Variants in KNL1 observed in about 807,000 individuals in gnomAD.
The protein encoded by KNL1 is outer kinetochore KNL1 complex subunit KNL1.
A neutral mutation model predicts 201.3 loss-of-function variants in KNL1; 66 were observed. The observed-to-expected ratio is 0.33, with a 90% CI of 0.27 to 0.40. KNL1 has a LOEUF of 0.40. Ranked by LOEUF, KNL1 falls within the 10% of genes least tolerant of loss-of-function variation. The pLI, the probability that KNL1 is intolerant of heterozygous loss-of-function variation, is 1.00. For missense variants in KNL1, 2,815 were observed against 2,690.5 expected (o/e 1.05, Z -1.02); for synonymous variants, 895 against 899.2 (o/e 1.00, Z 0.08).
chr15:40,601,715 G>T (rs1891796670), intron 1 of KNL1, among the ~76,000 whole-genome samples: 1 of 150,994 alleles, frequency 6.6e-6, no homozygotes, highest in Non-Finnish European at 1.5e-5. Flanking sequence ...CAGCTACTCG[G>T]GAGGCTGAGG....
rs202140477 is a variant in KNL1, at chr15:40,602,941, G to A, written c.10G>A (p.Val4Met). 24 of 1,592,078 alleles carry A rather than the reference G, an allele frequency of 1.5e-5. No individual in the cohort carries two copies. In the South Asian group the frequency reaches 2.2e-4, roughly 15 times the overall value. The change falls in exon 2 of 26, where the codon GTG (valine) becomes ATG (methionine). Residue 4 changes from valine (V) to methionine (M), a missense_variant. Val to Met is a conservative substitution (Grantham distance 21). Transcript: ENST00000399668. MDG[V>M]SSEANEENDN... ...AAAGTTTTCTTCAAAAATGGATGGG[G>A]TGTCTTCAGAGGCTAATGAAGAAAA... is the stretch of plus-strand genomic sequence containing the variant.
At chr15:40,652,539 G>T (rs1893599622) in intron 21 of KNL1, among the ~76,000 whole-genome samples, 1 of 150,618 alleles carries the variant, frequency 6.6e-6, no homozygotes, top group Non-Finnish European at 1.5e-5. Context: ...GGAGGCTGAG[G>T]TGGGCGGATC....
At chr15:40,656,391 C>G (rs1489604821) in intron 22 of KNL1, among the ~76,000 whole-genome samples, 1 of 151,902 alleles carries the variant, frequency 6.6e-6, no homozygotes, top group Non-Finnish European at 1.5e-5. Flanking sequence ...TGAGATCATG[C>G]CACTGCACTC....
At chr15:40,610,843 G>A (rs1470564333) in intron 6 of KNL1, 1 of 455,044 alleles carries the variant, frequency 2.2e-6, no homozygotes. Context: ...TCTGCCTCCT[G>A]GGTTTAAGCG....
rs776017179 is a variant in KNL1 at position 40,615,389 on chromosome 15, C to T, written c.322+11C>T. 2 of 682,466 alleles carry T rather than the reference C, an allele frequency of 2.9e-6. No individual in the cohort carries two copies. Among genetic ancestry groups the T allele is most frequent in the Non-Finnish European group, 2.4e-6 (1 of 415,668 alleles). 42.3% of individuals were successfully genotyped at this position (682,466 alleles called of 1,614,324 possible). On this transcript the variant is annotated intron_variant, in intron 8 of 25. Transcript: ENST00000399668. Reference sequence around the variant, plus strand: ...ACTGTGAAATTACTGGTGAGTATGACTAGAATACTTTTCTTATAGTAAGAT... The same window carrying T: ...ACTGTGAAATTACTGGTGAGTATGATTAGAATACTTTTCTTATAGTAAGAT...
Position 40,647,040 on chromosome 15 carries a change from G to A in KNL1, c.6060G>A (p.Lys2020=). ...IKIDEMDKIL[K]KIDNCLTEME... is the part of the protein sequence containing the mutation. ...TAGATGAGATGGATAAAATACTTAA[G>A]AAGATCGATAACTGCCTCACTGAGA... The change falls in exon 17 of 26, where the codon AAG becomes AAA. Residue 2020 remains lysine, a synonymous_variant. Coordinates refer to ENST00000399668, the MANE Select transcript of KNL1 (RefSeq NM_144508.5). The A allele has an allele frequency of 6.5e-7, 1 of 1,538,950 alleles. No individual in the cohort carries two copies. Among genetic ancestry groups the A allele is most frequent in the Non-Finnish European group, 9.0e-7 (1 of 1,112,410 alleles).
intron 13 of KNL1, among the ~76,000 whole-genome samples, chr15:40,637,097 A>G: frequency 6.6e-6 from 1 of 150,910 alleles, no homozygotes; most frequent in South Asian, 2.1e-4. Context: ...AGATTCAAAC[A>G]TTGCCGATTA....
chr15:40,647,887 T>C (rs1375419938), intron 17 of KNL1, among the ~76,000 whole-genome samples: 1 of 152,240 alleles, frequency 6.6e-6, no homozygotes, highest in African/African-American at 2.4e-5. Context: ...AGCTTCTCTG[T>C]TGGCCTCTCT....
rs1231039376 is a variant in KNL1, at chr15:40,621,690, A to T, written c.1426A>T (p.Thr476Ser). 8 of 1,611,540 alleles carry T rather than the reference A, an allele frequency of 5.0e-6. No homozygotes were observed. The highest frequency in any genetic ancestry group is 6.8e-6 in the Non-Finnish European group (8 of 1,178,112). ...PDAMSSLTEK[T>S]IYSGEENMDI... ...TGCTATGTCTTCTCTCACAGAGAAA[A>T]CTATTTATTCCGGAGAGGAGAACAT... The change falls in exon 10 of 26, where the codon ACT (threonine) becomes TCT (serine). Residue 476 changes from threonine to serine, a missense_variant. By Grantham distance (58) the Thr-to-Ser change is moderately conservative. This residue lies in a region of KNL1 where 2,464 missense variants were observed against 2,291.7 expected (regional missense o/e 1.08). Coordinates refer to ENST00000399668, the MANE Select transcript of KNL1 (RefSeq NM_144508.5).
chr15:40,609,087 A>C (rs563052705), intron 5 of KNL1, among the ~76,000 whole-genome samples, 179 bp downstream of exon 5: 1 of 152,222 alleles, frequency 6.6e-6, no homozygotes, highest in Admixed American at 6.5e-5. Context: ...GTCAGGAACA[A>C]AACAATGATA....
chr15:40,621,157 C>A lies in KNL1; in HGVS notation c.893C>A (p.Ser298Tyr), dbSNP rs371200996. 14 of 1,613,458 alleles carry A rather than the reference C, an allele frequency of 8.7e-6. No homozygotes were observed. The highest frequency in any genetic ancestry group is 6.7e-5 in the African/African-American group (5 of 74,900). ...AATATTCAGACATTGATTCCCACATCCAGTGAGACCAACTCACGGGAATCT... is the reference window on the plus strand; with the variant it reads ...AATATTCAGACATTGATTCCCACATACAGTGAGACCAACTCACGGGAATCT... ...TANIQTLIPT[S>Y]SETNSRESKG... is the part of the protein sequence containing the mutation. The change falls in exon 10 of 26, where the codon TCC (serine) becomes TAC (tyrosine). Residue 298 changes from serine to tyrosine, a missense_variant. Ser to Tyr is a moderately radical substitution (Grantham distance 144). Coordinates refer to ENST00000399668, the MANE Select transcript of KNL1 (RefSeq NM_144508.5).
At chr15:40,640,389 G>A (rs1344459263) in intron 13 of KNL1, among the ~76,000 whole-genome samples, 4 of 151,878 alleles carry the variant, frequency 2.6e-5, no homozygotes, top group East Asian at 1.9e-4. Flanking sequence ...CACTGTGCCC[G>A]GCCCTGACTT....
rs979440012 is a variant in KNL1, at chr15:40,609,905, TAGTC to T, written c.198-337_198-334del. Among the ~76,000 whole-genome samples, 278 of 152,242 alleles carry T rather than the reference TAGTC, an allele frequency of 1.8e-3. 2 individuals are homozygous for T. The highest frequency in any genetic ancestry group is 6.6e-3 in the African/African-American group (273 of 41,566). ...TGTCTCTACTAGAAATAAAAAATAT[TAGTC>T]AGGCTTGTTGGTGAGGCTACTCGGG... On this transcript the variant is annotated intron_variant, in intron 5 of 25. Coordinates refer to ENST00000399668, the MANE Select transcript of KNL1 (RefSeq NM_144508.5).
rs1430282874 is a variant in KNL1 at position 40,662,614 on chromosome 15, A to G, written c.*426A>G. 2.0e-5 allele frequency: 4 copies of G among 204,670 alleles called. No homozygotes were observed. The highest frequency in any genetic ancestry group is 3.0e-5 in the Non-Finnish European group (3 of 100,258). 12.7% of individuals were successfully genotyped at this position (204,670 alleles called of 1,614,324 possible). On this transcript the variant is annotated 3_prime_UTR_variant, in exon 26 of 26. Coordinates refer to ENST00000399668, the MANE Select transcript of KNL1 (RefSeq NM_144508.5). Reference sequence around the variant, plus strand: ...CCTAGCAGATATTTCTGGAGTAGAAATGTATCTGTCTACAAACTATTATCC... The same window carrying G: ...CCTAGCAGATATTTCTGGAGTAGAAGTGTATCTGTCTACAAACTATTATCC...
intron 1 of KNL1, among the ~76,000 whole-genome samples, chr15:40,599,717 A>G (rs577669168): frequency 6.6e-6 from 1 of 150,540 alleles, no homozygotes; most frequent in East Asian, 2.0e-4. Flanking sequence ...AGATGATTAT[A>G]TGATTTTTAC....
intron 14 of KNL1, among the ~76,000 whole-genome samples, chr15:40,643,754 G>A (rs552456534): frequency 1.6e-4 from 25 of 152,332 alleles, no homozygotes; most frequent in African/African-American, 4.6e-4. Flanking sequence ...AAGTTGGTAC[G>A]TTGAGATGAG....
chr15:40,606,513 A>T (rs1891979124), intron 4 of KNL1, 61 bp downstream of exon 4: 3 of 947,190 alleles, frequency 3.2e-6, no homozygotes, highest in Admixed American at 3.6e-5. Context: ...TTAAGTCAAG[A>T]AGTTTATTAG....
Position 40,623,131 on chromosome 15 carries a change from A to G in KNL1, c.2867A>G (p.Glu956Gly). Residue 956 changes from glutamate to glycine, a missense_variant, in exon 10 of 26, where the codon GAG becomes GGG. Glu to Gly is a moderately conservative substitution (Grantham distance 98). Coordinates refer to ENST00000399668, the MANE Select transcript of KNL1 (RefSeq NM_144508.5). Reference protein sequence around the residue: ...VDNHVELEMTESHTVFIDYQE... With the variant: ...VDNHVELEMTGSHTVFIDYQE... ...AATCATGTTGAACTAGAAATGACAG[A>G]GTCCCATACTGTTTTCATTGACTAC... 6.2e-7 allele frequency: 1 copy of G among 1,613,878 alleles called. No homozygotes were observed. Among genetic ancestry groups the G allele is most frequent in the Non-Finnish European group, 8.5e-7 (1 of 1,179,862 alleles).
In KNL1 at chr15:40,645,773, G is replaced by T; in HGVS notation, c.6006+1G>T. 1 of 1,507,360 alleles carries T rather than the reference G, an allele frequency of 6.6e-7. No individual in the cohort carries two copies. The highest frequency in any genetic ancestry group is 1.2e-5 in the South Asian group (1 of 84,164). 93.4% of individuals were successfully genotyped at this position (1,507,360 alleles called of 1,614,324 possible). On this transcript the variant is annotated splice_donor_variant, in intron 16 of 25. Transcript: ENST00000399668. LOFTEE classifies it high-confidence loss of function. ...TGGCAAGCTGGTGCAGTCAGCTCAG[G>T]TAATTTGAGACAGTTAATATCATAG...
Sources: allele counts gnomAD v4.1 joint callset (sites outside exome capture counted in the v4.1 genomes callset), GRCh38; gene constraint gnomAD v4.1.1; regional missense constraint gnomAD v4.1.1; transcripts MANE v1.5; gene names NCBI Gene and HGNC (gene_info 2026-07-23, HGNC 2026-07-21).